Variants in CEP128 observed in about 807,000 individuals in gnomAD.
The protein encoded by CEP128 is centrosomal protein 128, also known as centrosomal protein 128kDa.
A neutral mutation model predicts 156.7 loss-of-function variants in CEP128; 132 were observed. The ratio of observed to expected loss-of-function variants is 0.84; its 90% CI spans 0.73 to 0.97. The LOEUF is 0.97. CEP128 is among the 50% of genes least tolerant of loss of function. The probability of loss-of-function intolerance (pLI) is 0.00; values close to 1 mark genes in which losing one functional copy is unlikely to be tolerated. For missense variants in CEP128, 1,252 were observed against 1,281.9 expected, an observed-to-expected ratio of 0.98 and a Z score of 0.36; for synonymous variants, 469 against 448.9, an observed-to-expected ratio of 1.04 and a Z score of -0.57.
At chr14:80,486,825 C>T (rs570901727), downstream of CEP128, among the ~76,000 whole-genome samples, 2 of 152,178 alleles carry the variant, frequency 1.3e-5, no homozygotes, top group East Asian at 3.9e-4. Flanking sequence ...AAAGCAAATG[C>T]TGAGAGATTT....
intron 23 of CEP128, among the ~76,000 whole-genome samples, chr14:80,521,604 C>T (rs893473353): frequency 6.6e-6 from 1 of 152,088 alleles, no homozygotes; most frequent in African/African-American, 2.4e-5. Flanking sequence ...AGAGAATAAA[C>T]ATATCTTCAT....
At chr14:80,769,938 T>G (rs1389476642) in intron 16 of CEP128, among the ~76,000 whole-genome samples, 1 of 152,170 alleles carries the variant, frequency 6.6e-6, no homozygotes, top group Admixed American at 6.5e-5. Flanking sequence ...ATACAGAACT[T>G]TCATGTTGCC....
chr14:80,695,122 AT>A (rs1047257363), intron 19 of CEP128, among the ~76,000 whole-genome samples: 28 of 152,002 alleles, frequency 1.8e-4, no homozygotes, highest in African/African-American at 6.7e-4. Flanking sequence ...GAAAAAATAA[AT>A]TTTTTGCAGG....
intron 13 of CEP128, among the ~76,000 whole-genome samples, chr14:80,801,288 TGA>T (rs1022800210): frequency 4.9e-4 from 74 of 152,280 alleles, no homozygotes; most frequent in African/African-American, 1.8e-3. Context: ...ACAGGAGTGG[TGA>T]GAGAGGGCAT....
Position 80,609,093 on chromosome 14 carries a change from G to T in CEP128, c.2807-28670C>A, listed in dbSNP as rs1471135034. On this transcript the variant is annotated intron_variant, in intron 19 of 24. Coordinates refer to ENST00000555265, the MANE Select transcript of CEP128 (RefSeq NM_152446.5). ...TTGGGACTATTAGAGACATACTAAT[G>T]ATACTGCAAAGACTAAGATTATAAA... is the stretch of plus-strand genomic sequence containing the variant. Among the ~76,000 whole-genome samples, 7 of 152,134 alleles carry T rather than the reference G, an allele frequency of 4.6e-5. No individual in the cohort carries two copies. The East Asian group carries it at 9.6e-4, about 21-fold the overall frequency.
chr14:80,659,952 T>G (rs1444618866), intron 19 of CEP128, among the ~76,000 whole-genome samples: 1 of 152,152 alleles, frequency 6.6e-6, no homozygotes, highest in Non-Finnish European at 1.5e-5. Context: ...TAGACTTTCC[T>G]GGAATCCAAG....
At chr14:80,933,242 T>C (rs56757452) in intron 2 of CEP128, among the ~76,000 whole-genome samples, 41,676 of 151,904 alleles carry the variant, frequency 0.27, 6,820 homozygotes, top group East Asian at 0.47. Flanking sequence ...AACAGTGTCC[T>C]CTCCTTCCCC....
At chr14:80,798,502 T>C (rs182752172) in intron 13 of CEP128, among the ~76,000 whole-genome samples, 2 of 152,312 alleles carry the variant, frequency 1.3e-5, no homozygotes, top group East Asian at 3.9e-4. Flanking sequence ...GTGTCCAAAG[T>C]TTTAATTAGG....
intron 13 of CEP128, among the ~76,000 whole-genome samples, chr14:80,805,488 G>C (rs954715127): frequency 6.6e-6 from 1 of 152,066 alleles, no homozygotes; most frequent in Non-Finnish European, 1.5e-5. Flanking sequence ...CACTAGAGCA[G>C]TTTTATTTCC....
At chr14:80,599,605 G>T (rs1738825719) in intron 19 of CEP128, among the ~76,000 whole-genome samples, 1 of 151,716 alleles carries the variant, frequency 6.6e-6, no homozygotes, top group Non-Finnish European at 1.5e-5. Flanking sequence ...GACTACTGCA[G>T]TTATCCATAT....
intron 19 of CEP128, among the ~76,000 whole-genome samples, chr14:80,607,357 A>T (rs1247350193): frequency 6.6e-6 from 1 of 152,178 alleles, no homozygotes; most frequent in Non-Finnish European, 1.5e-5. Context: ...GAGAAACAAA[A>T]GCGAATGTAA....
intron 20 of CEP128, among the ~76,000 whole-genome samples, chr14:80,563,943 T>C (rs1842578090): frequency 6.6e-6 from 1 of 152,174 alleles, no homozygotes. Context: ...ATGAAACATG[T>C]CTAGATACAT....
chr14:80,816,909 C>T (rs1331851587), intron 13 of CEP128, among the ~76,000 whole-genome samples: 9 of 150,556 alleles, frequency 6.0e-5, no homozygotes, highest in Non-Finnish European at 4.4e-5. Flanking sequence ...GCTAAGAGGT[C>T]AACTTTAATT....
chr14:80,500,583 T>C (rs1202613376), intron 24 of CEP128, among the ~76,000 whole-genome samples: 1 of 152,210 alleles, frequency 6.6e-6, no homozygotes, highest in Non-Finnish European at 1.5e-5. Context: ...ACATATCAAA[T>C]AATACCAAAG....
chr14:80,873,400 G>GT (rs1647497940), intron 8 of CEP128, among the ~76,000 whole-genome samples: 1 of 152,246 alleles, frequency 6.6e-6, no homozygotes, highest in African/African-American at 2.4e-5. Flanking sequence ...ATACTTACTA[G>GT]TTTTATTTGC....
intron 19 of CEP128, among the ~76,000 whole-genome samples, chr14:80,645,949 C>T (rs530598164): frequency 5.9e-5 from 9 of 151,986 alleles, no homozygotes; most frequent in Non-Finnish European, 1.0e-4. Flanking sequence ...CATATTACTA[C>T]GTGAAAGAAA....
At chr14:80,520,312 G>A (rs1277922957) in intron 23 of CEP128, among the ~76,000 whole-genome samples, 3 of 151,974 alleles carry the variant, frequency 2.0e-5, no homozygotes, top group Non-Finnish European at 4.4e-5. Context: ...CCAGCTACTC[G>A]GGAGGCTGAG....
intron 23 of CEP128, among the ~76,000 whole-genome samples, chr14:80,511,761 T>C (rs1566748658): frequency 6.6e-6 from 1 of 152,072 alleles, no homozygotes; most frequent in Non-Finnish European, 1.5e-5. Flanking sequence ...CTGCTTTTGC[T>C]GTACCCCAGA....
chr14:80,749,037 A>C (rs1899250089), intron 18 of CEP128, among the ~76,000 whole-genome samples: 1 of 152,170 alleles, frequency 6.6e-6, no homozygotes, highest in Admixed American at 6.5e-5. Context: ...GAGACTCAGT[A>C]CTGTGCTGGC....
Sources: gnomAD v4.1 joint callset for allele counts (sites outside exome capture counted in the v4.1 genomes callset) on GRCh38, gnomAD v4.1.1 for gene constraint, MANE v1.5 for transcripts, NCBI Gene and HGNC (gene_info 2026-07-23, HGNC 2026-07-21) for gene names.